The following TGFBR3 variants were observed in gnomAD, a reference collection of about 807,000 sequenced individuals.
TGFBR3 encodes the protein transforming growth factor beta receptor 3, also known as transforming growth factor beta receptor type 3.
Under a neutral mutation model 87.9 loss-of-function variants are expected in TGFBR3, and 46 were observed. That is an observed-to-expected ratio of 0.52 (90% CI 0.41 to 0.67). The LOEUF is 0.67. Ranked by LOEUF, TGFBR3 falls within the 30% of genes least tolerant of loss-of-function variation. The pLI, the probability that TGFBR3 is intolerant of heterozygous loss-of-function variation, is 0.00. For synonymous variants in TGFBR3, 381 were observed against 391.6 expected, an observed-to-expected ratio of 0.97 and a Z score of 0.32; for missense variants, 866 against 1,041.9, an observed-to-expected ratio of 0.83 and a Z score of 2.32.
chr1:91,710,283 G>A (rs1354376873), intron 13 of TGFBR3, among the ~76,000 whole-genome samples: 2 of 152,106 alleles, frequency 1.3e-5, no homozygotes, highest in African/African-American at 4.8e-5. Flanking sequence ...CCCTCAAAAA[G>A]AGAAAAGCCT....
At position 91,712,351 on chromosome 1, in the gene TGFBR3, C is replaced by T. The variant is rs775762460; in HGVS notation, c.2058G>A (p.Lys686=). The T allele has an allele frequency of 7.4e-6, 12 of 1,614,228 alleles. No homozygotes were observed. Among genetic ancestry groups the T allele is most frequent in the Middle Eastern group, 1.6e-4 (1 of 6,062 alleles). Residue 686 remains lysine (K), a synonymous_variant, in exon 13 of 17, where the codon AAG becomes AAA. Transcript: ENST00000212355. ...CAGGCTTGAAGACAAAGCTGAATCG[C>T]TTCTTATCCATGTCAGCTTGCGGGA... ...FPIPQADMDK[K]RFSFVFKPVF...
intron 3 of TGFBR3, among the ~76,000 whole-genome samples, chr1:91,763,426 G>A (rs1452006984): frequency 6.6e-6 from 1 of 152,120 alleles, no homozygotes; most frequent in Non-Finnish European, 1.5e-5. Context: ...AACACTACCA[G>A]GGAAACTCTT....
rs1056833948 is a variant in TGFBR3, at chr1:91,716,545, C to G, written c.1707+23G>C. ...AAATAGACAGCATTTTCCACAAACC[C>G]CCTACTGATAACAAACACATACCAC... On this transcript the variant is annotated intron_variant, in intron 11 of 16. Coordinates refer to ENST00000212355, the MANE Select transcript of TGFBR3 (RefSeq NM_003243.5). The G allele has an allele frequency of 1.9e-6, 3 of 1,614,030 alleles. No individual in the cohort carries two copies. In the Admixed American group the frequency reaches 5.0e-5, roughly 27 times the overall value.
At chr1:91,852,069 C>T (rs894520171) in intron 2 of TGFBR3, among the ~76,000 whole-genome samples, 4 of 152,072 alleles carry the variant, frequency 2.6e-5, no homozygotes, top group East Asian at 1.9e-4. Context: ...GAAAACATGG[C>T]GAAACCTTGT....
intron 4 of TGFBR3, 132 bp from the exon 5 acceptor site, chr1:91,735,091 T>G: frequency 1.9e-6 from 2 of 1,078,920 alleles, no homozygotes; most frequent in Non-Finnish European, 2.8e-6. Context: ...CAGATCAGCG[T>G]TTTTAAGCAG....
intron 2 of TGFBR3, among the ~76,000 whole-genome samples, chr1:91,849,448 C>T (rs1389650073): frequency 1.3e-5 from 2 of 152,180 alleles, no homozygotes; most frequent in Admixed American, 6.5e-5. Flanking sequence ...TTCCTGCTGC[C>T]TGGAATGCTC....
At chr1:91,735,602 A>C (rs1466108300) in intron 4 of TGFBR3, among the ~76,000 whole-genome samples, 1 of 152,240 alleles carries the variant, frequency 6.6e-6, no homozygotes, top group African/African-American at 2.4e-5. Flanking sequence ...ATAGATAATG[A>C]AGTCAAGAGG....
At chr1:91,781,684 T>C (rs1436460911) in intron 3 of TGFBR3, among the ~76,000 whole-genome samples, 1 of 152,026 alleles carries the variant, frequency 6.6e-6, no homozygotes, top group African/African-American at 2.4e-5. Flanking sequence ...GGACGAAAAA[T>C]TGCCCTTGTA....
At chr1:91,809,679 T>G (rs1675960952) in intron 2 of TGFBR3, among the ~76,000 whole-genome samples, 2 of 152,198 alleles carry the variant, frequency 1.3e-5, no homozygotes, top group African/African-American at 2.4e-5. Context: ...CACTCACAAT[T>G]GGTTACAGGA....
At chr1:91,853,706 G>A (rs370863129) in intron 2 of TGFBR3, among the ~76,000 whole-genome samples, 1 of 152,138 alleles carries the variant, frequency 6.6e-6, no homozygotes, top group East Asian at 1.9e-4. Flanking sequence ...AAACTTATAT[G>A]CGGAATCTTA....
At chr1:91,712,640 C>T (rs544423144) in intron 12 of TGFBR3, 98 bp from the exon 13 acceptor site, 37 of 1,070,070 alleles carry the variant, frequency 3.5e-5, no homozygotes, top group African/African-American at 1.6e-4. Context: ...TCAGATGACA[C>T]GCTGCTTTAT....
At chr1:91,867,647 C>G (rs1678436146) in intron 1 of TGFBR3, among the ~76,000 whole-genome samples, 1 of 152,194 alleles carries the variant, frequency 6.6e-6, no homozygotes, top group African/African-American at 2.4e-5. Context: ...CCTTGCAATA[C>G]TCTAAGAACC....
intron 14 of TGFBR3, among the ~76,000 whole-genome samples, chr1:91,706,511 G>A (rs1048932888): frequency 2.0e-5 from 3 of 152,108 alleles, no homozygotes; most frequent in Non-Finnish European, 4.4e-5. Context: ...TACCCTATAT[G>A]GTCTAAAAAG....
intron 5 of TGFBR3, among the ~76,000 whole-genome samples, chr1:91,730,403 A>C (rs1297716392): frequency 6.6e-6 from 1 of 152,032 alleles, no homozygotes; most frequent in East Asian, 1.9e-4. Flanking sequence ...AATATAAACC[A>C]AGGCTAAGAA....
At chr1:91,783,928 T>C (rs914541857) in intron 3 of TGFBR3, among the ~76,000 whole-genome samples, 4 of 152,134 alleles carry the variant, frequency 2.6e-5, no homozygotes, top group African/African-American at 9.7e-5. Flanking sequence ...ACCCCCTACA[T>C]CATGAGGACA....
chr1:91,838,600 A>AGGCAC (rs1419894192), intron 2 of TGFBR3, among the ~76,000 whole-genome samples: 1 of 150,820 alleles, frequency 6.6e-6, no homozygotes, highest in Non-Finnish European at 1.5e-5. Flanking sequence ...CTGGGACTAC[A>AGGCAC]GGCACCCGTC....
intron 3 of TGFBR3, among the ~76,000 whole-genome samples, chr1:91,772,586 C>T (rs559129006): frequency 6.6e-6 from 1 of 152,274 alleles, no homozygotes; most frequent in Non-Finnish European, 1.5e-5. Context: ...CTATAAGGAA[C>T]AACTTATAGG....
At chr1:91,775,061 G>A (rs1674521352) in intron 3 of TGFBR3, among the ~76,000 whole-genome samples, 1 of 152,198 alleles carries the variant, frequency 6.6e-6, no homozygotes, top group African/African-American at 2.4e-5. Flanking sequence ...CCCAAGTTCT[G>A]TAGCTGGTTA....
chr1:91,853,738 G>A (rs902587404), intron 2 of TGFBR3, among the ~76,000 whole-genome samples: 2 of 152,198 alleles, frequency 1.3e-5, no homozygotes, highest in Non-Finnish European at 2.9e-5. Flanking sequence ...TCATGGCCGG[G>A]AGCGGTGGCT....
Sources: allele counts gnomAD v4.1 joint callset (sites outside exome capture counted in the v4.1 genomes callset), GRCh38; gene constraint gnomAD v4.1.1; transcripts MANE v1.5; gene names NCBI Gene and HGNC (gene_info 2026-07-23, HGNC 2026-07-21).